The following NKAIN2 variants were observed in gnomAD, a reference collection of about 807,000 sequenced individuals.
NKAIN2 encodes sodium/potassium transporting ATPase interacting 2.
In NKAIN2, 14 loss-of-function variants were observed where a neutral mutation model predicts 32.6. That is an observed-to-expected ratio of 0.43 (90% CI 0.28 to 0.67). The LOEUF (loss-of-function observed/expected upper bound fraction) is 0.67, where lower values mean the gene tolerates loss of function less well. Ranked by LOEUF, NKAIN2 falls within the 30% of genes least tolerant of loss-of-function variation. The pLI is 0.17. For synonymous variants in NKAIN2, 80 were observed against 87.2 expected, an observed-to-expected ratio of 0.92 and a Z score of 0.46; for missense variants, 198 against 258.3, an observed-to-expected ratio of 0.77 and a Z score of 1.60.
At chr6:123,811,784 G>GT (rs576337298) in intron 1 of NKAIN2, among the ~76,000 whole-genome samples, 2 of 151,834 alleles carry the variant, frequency 1.3e-5, no homozygotes, top group Admixed American at 6.6e-5. Flanking sequence ...AGAACAACTA[G>GT]TTTTTTTTCA....
At chr6:124,672,070 A>T (rs1349057241) in intron 4 of NKAIN2, among the ~76,000 whole-genome samples, 1 of 152,072 alleles carries the variant, frequency 6.6e-6, no homozygotes, top group Non-Finnish European at 1.5e-5. Context: ...CTAGAATGCC[A>T]TTCTTAAGTC....
chr6:123,895,709 A>G (rs1286071122), intron 1 of NKAIN2, among the ~76,000 whole-genome samples: 1 of 152,222 alleles, frequency 6.6e-6, no homozygotes, highest in Non-Finnish European at 1.5e-5. Flanking sequence ...TAGTAGATGC[A>G]AATGCAGTGA....
intron 3 of NKAIN2, among the ~76,000 whole-genome samples, chr6:124,453,335 A>ACG (rs2114627388): frequency 1.0e-5 from 1 of 99,252 alleles, no homozygotes; most frequent in African/African-American, 3.0e-5. Flanking sequence ...ACACACACAC[A>ACG]CACACACACA....
chr6:124,739,610 A>G (rs1408904812), intron 4 of NKAIN2, among the ~76,000 whole-genome samples: 1 of 151,834 alleles, frequency 6.6e-6, no homozygotes, highest in Non-Finnish European at 1.5e-5. Context: ...GGGATAATGG[A>G]AGGCATGTGG....
intron 2 of NKAIN2, among the ~76,000 whole-genome samples, chr6:124,297,893 C>CT (rs1387791710): frequency 1.3e-5 from 2 of 152,084 alleles, no homozygotes; most frequent in Non-Finnish European, 2.9e-5. Context: ...AAACCTGACT[C>CT]TATCAATGAA....
intron 3 of NKAIN2, among the ~76,000 whole-genome samples, chr6:124,401,871 A>C (rs1773639986): frequency 6.6e-6 from 1 of 152,046 alleles, no homozygotes; most frequent in Non-Finnish European, 1.5e-5. Flanking sequence ...TATTCTCCTA[A>C]TGATGTCTTT....
chr6:123,976,348 C>CATATATATATATGTTCCCATAT (rs1562287573), intron 1 of NKAIN2, among the ~76,000 whole-genome samples: 26 of 13,714 alleles, frequency 1.9e-3, no homozygotes, highest in Non-Finnish European at 3.6e-3. Flanking sequence ...TATATGTTCC[C>CATATATATATATGTTCCCATAT]ATATATATAT....
intron 3 of NKAIN2, among the ~76,000 whole-genome samples, chr6:124,592,780 C>G (rs1781957288): frequency 6.6e-6 from 1 of 152,142 alleles, no homozygotes; most frequent in Non-Finnish European, 1.5e-5. Flanking sequence ...TAGGCATGAT[C>G]CTCTGCTTTG....
At chr6:124,193,731 G>A (rs1790151160) in intron 1 of NKAIN2, among the ~76,000 whole-genome samples, 1 of 152,056 alleles carries the variant, frequency 6.6e-6, no homozygotes, top group African/African-American at 2.4e-5. Context: ...GGTGCGCAAG[G>A]AGAAGAGGAG....
chr6:124,570,282 T>A (rs1331030755), intron 3 of NKAIN2, among the ~76,000 whole-genome samples: 1 of 152,126 alleles, frequency 6.6e-6, no homozygotes, highest in Non-Finnish European at 1.5e-5. Flanking sequence ...AGCCCATTTT[T>A]TGAGGAGAAA....
chr6:124,133,777 C>T (rs771444927), intron 1 of NKAIN2, among the ~76,000 whole-genome samples: 20 of 151,950 alleles, frequency 1.3e-4, no homozygotes, highest in Non-Finnish European at 2.9e-4. Flanking sequence ...CTCATAGAGT[C>T]TTCACCCCTA....
chr6:124,578,081 G>A (rs1781396154), intron 3 of NKAIN2, among the ~76,000 whole-genome samples: 1 of 151,696 alleles, frequency 6.6e-6, no homozygotes, highest in Non-Finnish European at 1.5e-5. Context: ...ACTCACCATG[G>A]GCCTTGGGTA....
chr6:124,435,017 A>C (rs1038241015), intron 3 of NKAIN2, among the ~76,000 whole-genome samples: 4 of 152,194 alleles, frequency 2.6e-5, no homozygotes, highest in Non-Finnish European at 5.9e-5. Context: ...AGAGAACAGA[A>C]ATAAAAATAA....
intron 2 of NKAIN2, among the ~76,000 whole-genome samples, chr6:124,301,503 C>A (rs1256348512): frequency 6.6e-6 from 1 of 152,150 alleles, no homozygotes; most frequent in Non-Finnish European, 1.5e-5. Flanking sequence ...CAATGGTAGA[C>A]CCACTGACAG....
At chr6:124,296,455 C>G (rs1444300620) in intron 2 of NKAIN2, among the ~76,000 whole-genome samples, 1 of 151,924 alleles carries the variant, frequency 6.6e-6, no homozygotes, top group African/African-American at 2.4e-5. Flanking sequence ...AAATAAATGT[C>G]CAAGCAGAAA....
chr6:124,701,201 C>A (rs1774774589), intron 4 of NKAIN2, among the ~76,000 whole-genome samples: 1 of 150,724 alleles, frequency 6.6e-6, no homozygotes, highest in Admixed American at 6.6e-5. Context: ...ATATAAAAAA[C>A]TGAGCTAAAA....
intron 1 of NKAIN2, among the ~76,000 whole-genome samples, chr6:124,114,828 A>G (rs1352136595): frequency 1.5e-4 from 23 of 152,146 alleles, no homozygotes; most frequent in Admixed American, 1.4e-3. Context: ...GGTTGTGGTC[A>G]GAGGGTGGGA....
intron 1 of NKAIN2, among the ~76,000 whole-genome samples, chr6:123,808,450 T>C (rs1403954496): frequency 6.6e-6 from 1 of 152,252 alleles, no homozygotes; most frequent in Non-Finnish European, 1.5e-5. Context: ...TATTTATGCA[T>C]CCTGAATATT....
At chr6:123,915,838 C>G (rs1051121201) in intron 1 of NKAIN2, among the ~76,000 whole-genome samples, 3 of 152,102 alleles carry the variant, frequency 2.0e-5, no homozygotes, top group Non-Finnish European at 4.4e-5. Flanking sequence ...ATTTAATAGA[C>G]ACTTGTCATA....
Sources: gnomAD v4.1 joint callset for allele counts (sites outside exome capture counted in the v4.1 genomes callset) on GRCh38, gnomAD v4.1.1 for gene constraint, MANE v1.5 for transcripts, NCBI Gene and HGNC (gene_info 2026-07-23, HGNC 2026-07-21) for gene names.